Variants in PPP2R2C observed in about 807,000 individuals in gnomAD.
PPP2R2C encodes protein phosphatase 2, regulatory subunit B, gamma.
A neutral mutation model predicts 45.3 loss-of-function variants in PPP2R2C; 10 were observed. The observed-to-expected ratio is 0.22, with a 90% CI of 0.14 to 0.37. PPP2R2C has a LOEUF of 0.37. Among genes scored for constraint, PPP2R2C ranks in the 10% least tolerant of loss-of-function variants. The probability of loss-of-function intolerance (pLI) is 1.00; values close to 1 mark genes in which losing one functional copy is unlikely to be tolerated. For synonymous variants in PPP2R2C, 257 were observed against 245.4 expected (o/e 1.05, Z -0.44); for missense variants, 308 against 619.7 (o/e 0.50, Z 5.34).
intron 6 of PPP2R2C, among the ~76,000 whole-genome samples, chr4:6,343,111 C>T (rs750524065): frequency 6.6e-6 from 1 of 152,126 alleles, no homozygotes; most frequent in East Asian, 1.9e-4. Flanking sequence ...AAATAACAGC[C>T]ATTTGTGTTC....
At chr4:6,385,764 T>A (rs187049870) in intron 1 of PPP2R2C, among the ~76,000 whole-genome samples, 22 of 152,216 alleles carry the variant, frequency 1.4e-4, no homozygotes, top group African/African-American at 5.1e-4. Context: ...GAGATGGGGT[T>A]TCACCATATT....
At chr4:6,383,720 T>A (rs1379638129) in intron 1 of PPP2R2C, 6 of 743,626 alleles carry the variant, frequency 8.1e-6, no homozygotes, top group Non-Finnish European at 1.0e-5. Context: ...GCTTTTATCA[T>A]CTGTAGGCTC....
intron 1 of PPP2R2C, among the ~76,000 whole-genome samples, chr4:6,553,424 G>T (rs1298361094): frequency 6.6e-6 from 1 of 152,212 alleles, no homozygotes. Context: ...CCCCTATCCG[G>T]GAAGAAACTC....
At chr4:6,381,459 C>T (rs1397687215) in intron 1 of PPP2R2C, 2 of 1,372,372 alleles carry the variant, frequency 1.5e-6, no homozygotes, top group Admixed American at 5.6e-5. Flanking sequence ...ACACCTACCC[C>T]TGCCACCCAG....
At chr4:6,384,435 CT>C in intron 1 of PPP2R2C, 1 of 984,586 alleles carries the variant, frequency 1.0e-6, no homozygotes, top group African/African-American at 1.7e-5. Context: ...ATATTTCCTC[CT>C]CTTTCAACTT....
At chr4:6,446,783 C>A (rs1443036462) in intron 1 of PPP2R2C, among the ~76,000 whole-genome samples, 1 of 151,822 alleles carries the variant, frequency 6.6e-6, no homozygotes, top group African/African-American at 2.4e-5. Flanking sequence ...GCATGGCAGG[C>A]GCTGCTGTTA....
At chr4:6,540,606 G>A (rs879656370) in intron 1 of PPP2R2C, among the ~76,000 whole-genome samples, 2 of 152,238 alleles carry the variant, frequency 1.3e-5, no homozygotes, top group Non-Finnish European at 2.9e-5. Flanking sequence ...TAGAATTGCT[G>A]GGTCATGAGA....
At chr4:6,399,867 T>G (rs1236099054) in intron 1 of PPP2R2C, among the ~76,000 whole-genome samples, 1 of 152,232 alleles carries the variant, frequency 6.6e-6, no homozygotes, top group East Asian at 1.9e-4. Flanking sequence ...AAGGGAAGTC[T>G]GTGGCTGATT....
intron 1 of PPP2R2C, among the ~76,000 whole-genome samples, chr4:6,562,222 T>G (rs1018146470): frequency 6.6e-6 from 1 of 152,126 alleles, no homozygotes; most frequent in Admixed American, 6.5e-5. Flanking sequence ...CACTGACAGC[T>G]GACAGAGGAG....
chr4:6,352,141 G>A (rs1408322332), intron 5 of PPP2R2C, among the ~76,000 whole-genome samples: 1 of 152,130 alleles, frequency 6.6e-6, no homozygotes, highest in African/African-American at 2.4e-5. Flanking sequence ...ATTTGGCCCA[G>A]TGACCACACT....
intron 1 of PPP2R2C, among the ~76,000 whole-genome samples, chr4:6,560,616 G>C (rs1378938612): frequency 6.6e-6 from 1 of 152,186 alleles, no homozygotes; most frequent in African/African-American, 2.4e-5. Context: ...GCACCTCTCA[G>C]TGTTGGCTGC....
At chr4:6,424,447 AC>A (rs1214352223) in intron 1 of PPP2R2C, among the ~76,000 whole-genome samples, 2 of 152,146 alleles carry the variant, frequency 1.3e-5, no homozygotes, top group Non-Finnish European at 2.9e-5. Context: ...CATTCAAGCC[AC>A]CGGACACTGC....
At chr4:6,392,103 G>A (rs919750602) in intron 1 of PPP2R2C, among the ~76,000 whole-genome samples, 2 of 152,216 alleles carry the variant, frequency 1.3e-5, no homozygotes, top group Non-Finnish European at 2.9e-5. Context: ...CTGGGATGAT[G>A]AGAAAGTCCC....
chr4:6,500,700 G>A (rs957603128), intron 2 of PPP2R2C, among the ~76,000 whole-genome samples: 5 of 152,214 alleles, frequency 3.3e-5, no homozygotes, highest in Non-Finnish European at 5.9e-5. Context: ...GGGTGCATCC[G>A]GGGCCCTGGA....
At chr4:6,410,121 C>T (rs1256641904) in intron 1 of PPP2R2C, among the ~76,000 whole-genome samples, 1 of 152,188 alleles carries the variant, frequency 6.6e-6, no homozygotes, top group Non-Finnish European at 1.5e-5. Context: ...GATCCCACAC[C>T]TCAGGCCCAC....
At chr4:6,374,275 G>A (rs971686604) in intron 4 of PPP2R2C, among the ~76,000 whole-genome samples, 20 of 152,068 alleles carry the variant, frequency 1.3e-4, no homozygotes, top group African/African-American at 4.6e-4. Flanking sequence ...TTCTCCAGGC[G>A]GCCTTGGGAC....
At chr4:6,444,129 A>G (rs1419760561) in intron 1 of PPP2R2C, among the ~76,000 whole-genome samples, 2 of 152,022 alleles carry the variant, frequency 1.3e-5, no homozygotes, top group African/African-American at 4.8e-5. Context: ...GCTATGGCCC[A>G]CCCAGGACCA....
At chr4:6,547,529 C>T (rs55794732) in intron 1 of PPP2R2C, among the ~76,000 whole-genome samples, 7,778 of 152,162 alleles carry the variant, frequency 0.051, 650 homozygotes, top group African/African-American at 0.18. Context: ...CCAAGCATTC[C>T]TGCCAAGAAA....
At chr4:6,403,862 C>CAGAAA (rs1717611819) in intron 1 of PPP2R2C, among the ~76,000 whole-genome samples, 1 of 88,274 alleles carries the variant, frequency 1.1e-5, no homozygotes, top group Admixed American at 1.1e-4. Flanking sequence ...AACTCCGCCT[C>CAGAAA]AGAAAAAAAA....
Sources: gnomAD v4.1 joint callset for allele counts (sites outside exome capture counted in the v4.1 genomes callset) on GRCh38, gnomAD v4.1.1 for gene constraint, MANE v1.5 for transcripts, NCBI Gene and HGNC (gene_info 2026-07-23, HGNC 2026-07-21) for gene names.